The following DISP1 variants were observed in gnomAD, a reference collection of about 807,000 sequenced individuals.
The protein encoded by DISP1 is protein dispatched homolog 1.
DISP1 carries 30 observed loss-of-function variants against 37.3 expected under a neutral mutation model. The ratio of observed to expected loss-of-function variants is 0.80; its 90% CI spans 0.60 to 1.09. The LOEUF (loss-of-function observed/expected upper bound fraction) is 1.09. Ranked by LOEUF, DISP1 falls within the 50% of genes least tolerant of loss-of-function variation. DISP1 has a pLI of 0.00. For missense variants in DISP1, 1,598 were observed against 1,879.5 expected (o/e 0.85, Z 2.77); for synonymous variants, 634 against 690.2 (o/e 0.92, Z 1.28).
At chr1:222,968,491 C>T (rs1284687088) in intron 3 of DISP1, among the ~76,000 whole-genome samples, 1 of 152,138 alleles carries the variant, frequency 6.6e-6, no homozygotes, top group East Asian at 1.9e-4. Flanking sequence ...GAAACTATAG[C>T]CCATACCAAG....
At chr1:222,985,204 A>G (rs1408636986) in intron 4 of DISP1, among the ~76,000 whole-genome samples, 2 of 152,224 alleles carry the variant, frequency 1.3e-5, no homozygotes, top group Non-Finnish European at 2.9e-5. Flanking sequence ...AATTGGTGTT[A>G]TTAAAACAGA....
intron 1 of DISP1, among the ~76,000 whole-genome samples, chr1:222,901,347 A>G (rs1403817865): frequency 6.6e-6 from 1 of 152,200 alleles, no homozygotes; most frequent in Non-Finnish European, 1.5e-5. Context: ...GTTTTCTACC[A>G]AGAATGAAAA....
At chr1:222,938,430 A>G (rs1038164137) in intron 2 of DISP1, among the ~76,000 whole-genome samples, 1 of 151,520 alleles carries the variant, frequency 6.6e-6, no homozygotes, top group African/African-American at 2.4e-5. Flanking sequence ...TTCCTCATTT[A>G]TCTCAGTTCT....
intron 1 of DISP1, among the ~76,000 whole-genome samples, chr1:222,873,743 C>T (rs907559735): frequency 1.3e-5 from 2 of 152,002 alleles, no homozygotes; most frequent in Non-Finnish European, 2.9e-5. Context: ...CCAGTCTGTG[C>T]CTTTTAATTG....
chr1:222,834,814 G>C (rs1459808084), intron 1 of DISP1, among the ~76,000 whole-genome samples: 1 of 152,166 alleles, frequency 6.6e-6, no homozygotes, highest in East Asian at 1.9e-4. Context: ...TATTGGGCAA[G>C]TTACCCAACT....
chr1:222,915,087 C>T lies in DISP1; in HGVS notation c.-158-13343C>T, dbSNP rs185374121. 2.2e-4 allele frequency among the ~76,000 whole-genome samples: 34 copies of T among 152,298 alleles called. No homozygotes were observed. The East Asian group carries it at 6.2e-3, about 28-fold the overall frequency. On this transcript the variant is annotated intron_variant, in intron 1 of 8. Coordinates refer to ENST00000675850, the MANE Select transcript of DISP1 (RefSeq NM_001377229.1). ...TGAGTTCAGCTGTGGTTGTCCTGGA[C>T]ACTGTCTGAGTCGCTGTTGTCAGTG... is the stretch of plus-strand genomic sequence containing the variant.
chr1:222,908,753 A>C (rs970711243), intron 1 of DISP1, among the ~76,000 whole-genome samples: 1 of 152,154 alleles, frequency 6.6e-6, no homozygotes, highest in Admixed American at 6.5e-5. Flanking sequence ...TACTTTCTTC[A>C]TAACATAAAT....
chr1:222,882,249 C>G (rs186185451), intron 1 of DISP1, among the ~76,000 whole-genome samples: 1 of 152,100 alleles, frequency 6.6e-6, no homozygotes, highest in Non-Finnish European at 1.5e-5. Context: ...ATAATTTACA[C>G]TACAAAGAAC....
At chr1:222,869,945 C>A (rs1255245390) in intron 1 of DISP1, among the ~76,000 whole-genome samples, 1 of 152,054 alleles carries the variant, frequency 6.6e-6, no homozygotes, top group African/African-American at 2.4e-5. Flanking sequence ...CCCTCTCCCC[C>A]CACCCCACAA....
At chr1:222,861,601 T>C (rs1481235380) in intron 1 of DISP1, among the ~76,000 whole-genome samples, 1 of 152,230 alleles carries the variant, frequency 6.6e-6, no homozygotes, top group Non-Finnish European at 1.5e-5. Flanking sequence ...CTAAGTATTA[T>C]CACTCTTTGT....
intron 8 of DISP1, among the ~76,000 whole-genome samples, chr1:222,995,920 C>T (rs1679036846): frequency 6.6e-6 from 1 of 152,120 alleles, no homozygotes; most frequent in Non-Finnish European, 1.5e-5. Flanking sequence ...AAGAGATCAC[C>T]CAAACCAGCA....
At chr1:222,848,430 G>C (rs1037197244) in intron 1 of DISP1, among the ~76,000 whole-genome samples, 3 of 149,138 alleles carry the variant, frequency 2.0e-5, no homozygotes, top group African/African-American at 7.3e-5. Flanking sequence ...AAAAATTATA[G>C]TAAGTAGTGG....
chr1:222,922,720 T>C (rs925880992), intron 1 of DISP1, among the ~76,000 whole-genome samples: 19 of 152,242 alleles, frequency 1.2e-4, no homozygotes, highest in African/African-American at 4.3e-4. Flanking sequence ...ATGGAACTTA[T>C]AATAGAAATT....
intron 1 of DISP1, among the ~76,000 whole-genome samples, chr1:222,898,829 C>T (rs1217640982): frequency 6.6e-6 from 1 of 152,008 alleles, no homozygotes; most frequent in East Asian, 1.9e-4. Flanking sequence ...ACTTTCATTG[C>T]CGTATATCTC....
chr1:222,880,314 C>T (rs965838337), intron 1 of DISP1, among the ~76,000 whole-genome samples: 7 of 152,092 alleles, frequency 4.6e-5, no homozygotes, highest in African/African-American at 1.7e-4. Context: ...GTATTTTGGG[C>T]ATTGAGATCA....
intron 1 of DISP1, among the ~76,000 whole-genome samples, chr1:222,926,980 A>G (rs74145596): frequency 0.039 from 5,922 of 152,250 alleles, 190 homozygotes; most frequent in African/African-American, 0.077. Context: ...GGGGTTACAA[A>G]TAATTTATAG....
At chr1:222,967,585 AAG>A (rs1410690325) in intron 3 of DISP1, among the ~76,000 whole-genome samples, 1 of 152,172 alleles carries the variant, frequency 6.6e-6, no homozygotes, top group Non-Finnish European at 1.5e-5. Flanking sequence ...AAGGAATAGA[AAG>A]GGTGATTTGA....
chr1:222,911,632 G>C lies in DISP1; in HGVS notation c.-158-16798G>C, dbSNP rs192383432. On this transcript the variant is annotated intron_variant, in intron 1 of 8. Coordinates refer to ENST00000675850, the MANE Select transcript of DISP1 (RefSeq NM_001377229.1). ...CTGGGATTGCTCAAACAATCCTTCT[G>C]CCTCAGCCTCCCAAATAGCTGAGCC... Among the ~76,000 whole-genome samples, 8 of 152,034 alleles carry C rather than the reference G, an allele frequency of 5.3e-5. No homozygotes were observed. In the East Asian group the frequency reaches 1.5e-3, roughly 29 times the overall value.
chr1:222,844,346 G>T (rs998383063), intron 1 of DISP1, among the ~76,000 whole-genome samples: 2 of 152,106 alleles, frequency 1.3e-5, no homozygotes, highest in African/African-American at 4.8e-5. Context: ...TATAGGGAAA[G>T]AATATGATGG....
Sources: allele counts gnomAD v4.1 joint callset (sites outside exome capture counted in the v4.1 genomes callset), GRCh38; gene constraint gnomAD v4.1.1; transcripts MANE v1.5; gene names NCBI Gene and HGNC (gene_info 2026-07-23, HGNC 2026-07-21).